Variants in CLMN observed in about 807,000 individuals in gnomAD.
The protein encoded by CLMN is calmin (calponin-like, transmembrane).
Under a neutral mutation model 92.7 loss-of-function variants are expected in CLMN, and 57 were observed. The observed-to-expected ratio is 0.61, with a 90% CI of 0.50 to 0.77. The LOEUF (loss-of-function observed/expected upper bound fraction) is 0.77. Ranked by LOEUF, CLMN falls within the 30% of genes least tolerant of loss-of-function variation. The pLI is 0.00. For missense variants in CLMN, 1,158 were observed against 1,237.5 expected, an observed-to-expected ratio of 0.94 and a Z score of 0.96; for synonymous variants, 466 against 470.6, an observed-to-expected ratio of 0.99 and a Z score of 0.13.
rs1381912386 is a variant in CLMN at position 95,183,184 on chromosome 14, A to AT, written c.*8379dup. The AT allele has an allele frequency of 6.6e-6, 1 of 152,274 alleles. No individual in the cohort carries two copies. The highest frequency in any genetic ancestry group is 1.5e-5 in the Non-Finnish European group (1 of 68,052). 9.4% of individuals were successfully genotyped at this position (152,274 alleles called of 1,614,324 possible). A position where few individuals can be genotyped will look rare whatever the true frequency, so the allele number is the denominator to read the frequency against. On this transcript the variant is annotated 3_prime_UTR_variant, in exon 13 of 13. Coordinates refer to ENST00000298912, the MANE Select transcript of CLMN (RefSeq NM_024734.4). Reference sequence around the variant, plus strand: ...GCCACAGCTAGGACGTGGGTTCTCCATACCCATACCAGTGTTGGCCTGCTT... The same window carrying AT: ...GCCACAGCTAGGACGTGGGTTCTCCATTACCCATACCAGTGTTGGCCTGCTT...
chr14:95,205,368 T>A (rs34492535), intron 8 of CLMN, among the ~76,000 whole-genome samples: 17,010 of 152,126 alleles, frequency 0.11, 1,493 homozygotes, highest in African/African-American at 0.24. Context: ...TATAGACCCA[T>A]ATAGGACCCG....
chr14:95,270,236 C>A (rs993303210), intron 1 of CLMN, among the ~76,000 whole-genome samples: 1 of 152,168 alleles, frequency 6.6e-6, no homozygotes, highest in African/African-American at 2.4e-5. Context: ...AAAGGAAATT[C>A]TATTAAAAAT....
Position 95,203,253 on chromosome 14 carries a change from G to T in CLMN, c.2096C>A (p.Thr699Asn). ...SPPSSCVSLE[T>N]LGSHSEEGLD... The stretch of plus-strand genomic sequence containing the variant: ...GCCTTCTTCGCTGTGACTCCCAAGG[G>T]TCTCCAAGCTGACACAGCTGCTTGG... Residue 699 changes from threonine to asparagine, a missense_variant, in exon 9 of 13, where the codon ACC (threonine) becomes AAC (asparagine). Thr to Asn is a moderately conservative substitution (Grantham distance 65). Transcript: ENST00000298912. The T allele has an allele frequency of 1.2e-6, 2 of 1,613,966 alleles. No individual in the cohort carries two copies. Among genetic ancestry groups the T allele is most frequent in the South Asian group, 2.2e-5 (2 of 91,064 alleles).
intron 1 of CLMN, among the ~76,000 whole-genome samples, chr14:95,273,735 T>C (rs979361170): frequency 6.6e-6 from 1 of 152,194 alleles, no homozygotes; most frequent in Non-Finnish European, 1.5e-5. Flanking sequence ...TTTTGACATA[T>C]AGCTCTGCAA....
At position 95,202,686 on chromosome 14, in the gene CLMN, C is replaced by T. The variant is rs901478180; in HGVS notation, c.2511+152G>A. 9 of 793,758 alleles carry T rather than the reference C, an allele frequency of 1.1e-5. 1 individual carries two copies. The South Asian group carries it at 2.5e-4, about 22-fold the overall frequency. 49.2% of individuals were successfully genotyped at this position (793,758 alleles called of 1,614,324 possible). ...GCCAACCCTGCATTTGCCCGAGCCT[C>T]ACAGTAGGTGCCTCTTTGAATTTTG... On this transcript the variant is annotated intron_variant, in intron 9 of 12. Transcript: ENST00000298912.
At chr14:95,197,918 A>C (rs1258328107) in intron 9 of CLMN, among the ~76,000 whole-genome samples, 1 of 152,100 alleles carries the variant, frequency 6.6e-6, no homozygotes, top group Admixed American at 6.5e-5. Context: ...TGCCCTCATC[A>C]ATGGTCAAAT....
At position 95,191,736 on chromosome 14, in the gene CLMN, C is replaced by A; in HGVS notation, c.2841-4G>T. 6.2e-7 allele frequency: 1 copy of A among 1,602,318 alleles called. No individual in the cohort carries two copies. Among genetic ancestry groups the A allele is most frequent in the South Asian group, 1.1e-5 (1 of 89,814 alleles). On this transcript the variant is annotated splice_polypyrimidine_tract_variant and splice_region_variant and intron_variant, in intron 12 of 12. Transcript: ENST00000298912. This position sits in a 1 kb window ranked among gnomAD's most constrained non-coding sequence, Gnocchi z 5.3. ...TTCTCCTGAGCTGTTGGCCTTCCTA[C>A]AGAAGAAACACAGAGGAAACGCAGT...
At chr14:95,234,316 C>T (rs1202630870) in intron 1 of CLMN, among the ~76,000 whole-genome samples, 1 of 152,232 alleles carries the variant, frequency 6.6e-6, no homozygotes, top group Non-Finnish European at 1.5e-5. Flanking sequence ...GGCGTTTTGA[C>T]TGGTGTCTCG....
intron 1 of CLMN, among the ~76,000 whole-genome samples, chr14:95,311,076 G>A (rs553471622): frequency 6.6e-6 from 1 of 152,114 alleles, no homozygotes; most frequent in African/African-American, 2.4e-5. Flanking sequence ...AGGCAAACGT[G>A]GGAAGGCCCA....
intron 10 of CLMN, among the ~76,000 whole-genome samples, chr14:95,196,070 G>A (rs1442866439): frequency 6.6e-6 from 1 of 152,172 alleles, no homozygotes; most frequent in African/African-American, 2.4e-5. Context: ...AGACATTAAT[G>A]GTCTCCTTGG....
chr14:95,210,647 A>C (rs1897170105), intron 7 of CLMN, 39 bp downstream of exon 7: 1 of 1,585,504 alleles, frequency 6.3e-7, no homozygotes, highest in East Asian at 2.3e-5. Flanking sequence ...TACATTTGTA[A>C]AAAAAAATTA....
At chr14:95,206,600 A>T (rs1475201540) in intron 8 of CLMN, among the ~76,000 whole-genome samples, 2 of 152,270 alleles carry the variant, frequency 1.3e-5, no homozygotes, top group Non-Finnish European at 2.9e-5. Context: ...TGTTAAGAAC[A>T]GTTCACTGCG....
At chr14:95,291,590 C>A (rs1441655385) in intron 1 of CLMN, among the ~76,000 whole-genome samples, 2 of 152,196 alleles carry the variant, frequency 1.3e-5, no homozygotes, top group Non-Finnish European at 2.9e-5. Context: ...GCAAACCTCG[C>A]TGGGGAATGG....
intron 4 of CLMN, among the ~76,000 whole-genome samples, chr14:95,219,432 G>A (rs1423247066): frequency 2.0e-5 from 3 of 152,160 alleles, no homozygotes; most frequent in African/African-American, 7.2e-5. Flanking sequence ...CTGCTCCAGG[G>A]AGCAGGTGGG....
intron 5 of CLMN, among the ~76,000 whole-genome samples, chr14:95,214,029 G>A (rs972797419): frequency 6.6e-6 from 1 of 151,890 alleles, no homozygotes; most frequent in African/African-American, 2.4e-5. Context: ...ACTTCTTCCA[G>A]GAAGTTTTCC....
At chr14:95,208,642 C>T (rs1481538674) in intron 8 of CLMN, among the ~76,000 whole-genome samples, 1 of 152,192 alleles carries the variant, frequency 6.6e-6, no homozygotes, top group Admixed American at 6.5e-5. Context: ...GCGTCAGTTT[C>T]CATCCTGCTT....
intron 7 of CLMN, among the ~76,000 whole-genome samples, chr14:95,210,178 G>C (rs949276035): frequency 1.3e-5 from 2 of 151,952 alleles, no homozygotes; most frequent in Non-Finnish European, 2.9e-5. Context: ...TCAGTCTCCC[G>C]AGTAGCTGGG....
intron 2 of CLMN, 81 bp downstream of exon 2, chr14:95,229,991 A>G: frequency 7.5e-7 from 1 of 1,324,754 alleles, no homozygotes; most frequent in Non-Finnish European, 1.1e-6. Context: ...ACAGGTCACC[A>G]GCTCCCCCTC....
intron 1 of CLMN, among the ~76,000 whole-genome samples, chr14:95,252,786 C>T (rs1299907600): frequency 1.3e-5 from 2 of 152,110 alleles, no homozygotes; most frequent in Admixed American, 6.5e-5. Context: ...AGTGAGTCTC[C>T]CCAGTTGGCA....
Sources: allele counts gnomAD v4.1 joint callset (sites outside exome capture counted in the v4.1 genomes callset), GRCh38; gene constraint gnomAD v4.1.1; non-coding constraint Gnocchi (gnomAD v3.1); transcripts MANE v1.5; gene names NCBI Gene and HGNC (gene_info 2026-07-23, HGNC 2026-07-21).